ASB7: variants seen among roughly 807,000 people sequenced by gnomAD.
ASB7 encodes the protein ankyrin repeat and SOCS box protein 7.
ASB7 carries 4 observed loss-of-function variants against 32.5 expected under a neutral mutation model. The observed-to-expected ratio is 0.12, with a 90% CI of 0.06 to 0.28. The LOEUF is 0.28. Among genes scored for constraint, ASB7 ranks in the 10% least tolerant of loss-of-function variants. ASB7 has a pLI of 1.00. For missense variants in ASB7, 181 were observed against 407.1 expected, an observed-to-expected ratio of 0.44 and a Z score of 4.78; for synonymous variants, 172 against 155.6, an observed-to-expected ratio of 1.11 and a Z score of -0.78.
At chr15:100,634,108 TGAG>T (rs1284673129) in intron 5 of ASB7, among the ~76,000 whole-genome samples, 2 of 152,238 alleles carry the variant, frequency 1.3e-5, no homozygotes, top group Non-Finnish European at 2.9e-5. Context: ...CAGTAAAGCT[TGAG>T]GAGTAAATAA....
intron 5 of ASB7, among the ~76,000 whole-genome samples, chr15:100,638,174 A>AT (rs1333871452): frequency 6.6e-6 from 1 of 152,202 alleles, no homozygotes; most frequent in African/African-American, 2.4e-5. Context: ...CTAAAATCAG[A>AT]TTTTTAAGGG....
At chr15:100,622,277 A>G (rs1052132438) in intron 4 of ASB7, among the ~76,000 whole-genome samples, 6 of 152,168 alleles carry the variant, frequency 3.9e-5, no homozygotes, top group Non-Finnish European at 8.8e-5. Flanking sequence ...TACAAGGAAA[A>G]CTACAAAGCA....
chr15:100,637,923 C>A (rs981888187), intron 5 of ASB7, among the ~76,000 whole-genome samples: 1 of 148,696 alleles, frequency 6.7e-6, no homozygotes, highest in Admixed American at 6.7e-5. Context: ...GTGCTGTTCT[C>A]GCAAAAATCC....
rs143912725 is a variant in ASB7 at position 100,610,356 on chromosome 15, G to A, written c.-52+528G>A. On this transcript the variant is annotated intron_variant, in intron 3 of 5. Transcript: ENST00000332783. ...AAAAATACAAAAAAATTAGCCGGGC[G>A]TGGTGGCAGGCGCCTGTAGTCCCAG... Among the ~76,000 whole-genome samples the A allele has an allele frequency of 1.1e-3, 170 of 152,194 alleles. 3 individuals are homozygous for A. The East Asian group carries it at 0.028, about 25-fold the overall frequency.
chr15:100,635,915 T>G (rs1597009934), intron 5 of ASB7, among the ~76,000 whole-genome samples: 1 of 152,192 alleles, frequency 6.6e-6, no homozygotes, highest in East Asian at 1.9e-4. Context: ...TGGAGAAGGT[T>G]CTGGGTGCAT....
chr15:100,632,445 G>A (rs1036726135), intron 5 of ASB7, among the ~76,000 whole-genome samples: 1 of 152,182 alleles, frequency 6.6e-6, no homozygotes, highest in African/African-American at 2.4e-5. Context: ...GTGTTCTTTG[G>A]CTCTAAATAG....
At chr15:100,637,591 C>G (rs2039932910) in intron 5 of ASB7, among the ~76,000 whole-genome samples, 1 of 152,156 alleles carries the variant, frequency 6.6e-6, no homozygotes, top group African/African-American at 2.4e-5. Flanking sequence ...ATTTCAAGTG[C>G]AAGGTGAACC....
chr15:100,636,016 A>G (rs979612042), intron 5 of ASB7, among the ~76,000 whole-genome samples: 7 of 152,120 alleles, frequency 4.6e-5, no homozygotes, highest in African/African-American at 1.7e-4. Flanking sequence ...GGTTCCTGGG[A>G]GTAAAACTCA....
At chr15:100,639,064 A>C (rs1245752348) in intron 5 of ASB7, among the ~76,000 whole-genome samples, 1 of 152,222 alleles carries the variant, frequency 6.6e-6, no homozygotes, top group East Asian at 1.9e-4. Context: ...GACAGTGTTC[A>C]AAGACTGGAA....
chr15:100,622,303 G>A (rs1308086326), intron 4 of ASB7, among the ~76,000 whole-genome samples: 5 of 152,006 alleles, frequency 3.3e-5, no homozygotes, highest in African/African-American at 1.2e-4. Flanking sequence ...GAAACAAATC[G>A]AAGAGGACAC....
intron 4 of ASB7, among the ~76,000 whole-genome samples, chr15:100,622,642 C>A (rs906578189): frequency 1.3e-5 from 2 of 152,056 alleles, no homozygotes; most frequent in Admixed American, 1.3e-4. Context: ...CAGAAATCTA[C>A]GTATTTTTAG....
At chr15:100,613,418 T>A (rs1323664941) in intron 4 of ASB7, among the ~76,000 whole-genome samples, 1 of 152,232 alleles carries the variant, frequency 6.6e-6, no homozygotes. Context: ...ACACTGAGAC[T>A]AGGAGTAGCC....
At chr15:100,623,933 A>G (rs897618426) in intron 4 of ASB7, among the ~76,000 whole-genome samples, 2 of 152,256 alleles carry the variant, frequency 1.3e-5, no homozygotes, top group Admixed American at 1.3e-4. Flanking sequence ...AAGATTTGGA[A>G]TCAACCTAAG....
At position 100,648,685 on chromosome 15, in the gene ASB7, G is replaced by C; in HGVS notation, c.*223G>C. 3 of 388,722 alleles carry C rather than the reference G, an allele frequency of 7.7e-6. No individual in the cohort carries two copies. Among genetic ancestry groups the C allele is most frequent in the Non-Finnish European group, 1.4e-5 (3 of 219,502 alleles). 24.1% of individuals were successfully genotyped at this position (388,722 alleles called of 1,614,324 possible). On this transcript the variant is annotated 3_prime_UTR_variant, in exon 6 of 6. Coordinates refer to ENST00000332783, the MANE Select transcript of ASB7 (RefSeq NM_198243.3). ...CCACATGCTTGAAGGTCTTAATTTGGTTTCTTGGTCCAAGTTTAAGAGGTC... is the reference window on the plus strand; with the variant it reads ...CCACATGCTTGAAGGTCTTAATTTGCTTTCTTGGTCCAAGTTTAAGAGGTC...
At chr15:100,619,282 T>C (rs1468691971) in intron 4 of ASB7, among the ~76,000 whole-genome samples, 2 of 152,214 alleles carry the variant, frequency 1.3e-5, no homozygotes, top group East Asian at 3.9e-4. Flanking sequence ...TTTTAGGAGA[T>C]GAAGAATGTT....
chr15:100,614,675 C>T (rs2039726629), intron 4 of ASB7, among the ~76,000 whole-genome samples: 2 of 143,952 alleles, frequency 1.4e-5, no homozygotes, highest in South Asian at 2.2e-4. Flanking sequence ...TTCCCTGGGC[C>T]ACACTGGAAG....
intron 5 of ASB7, among the ~76,000 whole-genome samples, chr15:100,639,903 A>T (rs1467288461): frequency 6.6e-6 from 1 of 152,202 alleles, no homozygotes; most frequent in East Asian, 1.9e-4. Context: ...TGGAAAATAT[A>T]GTTCAGAGCT....
In ASB7 at chr15:100,650,946, C is replaced by A. The variant is rs1052245905; in HGVS notation, c.*2484C>A. On this transcript the variant is annotated 3_prime_UTR_variant, in exon 6 of 6. Coordinates refer to ENST00000332783, the MANE Select transcript of ASB7 (RefSeq NM_198243.3). ...TTCACAGAGAAGCATTCCATGGTCA[C>A]ATAATGAATAGGGAGAACAGATATT... 1 of 152,176 alleles carries A rather than the reference C, an allele frequency of 6.6e-6. No individual in the cohort carries two copies. The highest frequency in any genetic ancestry group is 2.4e-5 in the African/African-American group (1 of 41,448). The allele number at this position is 152,176 out of a possible 1,614,324, so 9.4% of individuals were successfully genotyped here.
Position 100,616,041 on chromosome 15 carries a change from C to T in ASB7, c.211+3614C>T, listed in dbSNP as rs150364513. Among the ~76,000 whole-genome samples the T allele has an allele frequency of 1.5e-3, 231 of 152,286 alleles. 2 individuals are homozygous for T. The highest frequency in any genetic ancestry group is 0.014 in the South Asian group (66 of 4,830). On this transcript the variant is annotated intron_variant, in intron 4 of 5. Transcript: ENST00000332783. ...TTTTTATGGATATTGGCAAGTTGTC[C>T]TCCGAAGAGATTGTCATCATTTTAT...
Sources: allele counts gnomAD v4.1 joint callset (sites outside exome capture counted in the v4.1 genomes callset), GRCh38; gene constraint gnomAD v4.1.1; transcripts MANE v1.5; gene names NCBI Gene and HGNC (gene_info 2026-07-23, HGNC 2026-07-21).